The following ZNF431 variants were observed in gnomAD, a reference collection of about 807,000 sequenced individuals.
ZNF431 encodes zinc finger protein 431.
Under a neutral mutation model 57.0 loss-of-function variants are expected in ZNF431, and 34 were observed. That is an observed-to-expected ratio of 0.60 (90% CI 0.45 to 0.79). The LOEUF (loss-of-function observed/expected upper bound fraction) is 0.79, where lower values mean the gene tolerates loss of function less well. ZNF431 is among the 30% of genes least tolerant of loss of function. ZNF431 has a pLI of 0.00. For synonymous variants in ZNF431, 207 were observed against 220.3 expected (o/e 0.94, Z 0.54); for missense variants, 607 against 667.1 (o/e 0.91, Z 0.99).
Position 21,178,148 on chromosome 19 carries a change from G to A in ZNF431, c.320-4475G>A, listed in dbSNP as rs574289421. On this transcript the variant is annotated intron_variant, in intron 4 of 4. Coordinates refer to ENST00000311048, the MANE Select transcript of ZNF431 (RefSeq NM_133473.4). ...TTATTGTTGGTGTATTGAAATGTTT[G>A]TGATTTTGGCACATTGATTTTGTAT... Among the ~76,000 whole-genome samples the A allele has an allele frequency of 1.1e-4, 16 of 152,208 alleles. 1 individual carries two copies. The highest frequency in any genetic ancestry group is 3.4e-3 in the Middle Eastern group (1 of 294).
chr19:21,155,582 A>T (rs1416185651), intron 2 of ZNF431, among the ~76,000 whole-genome samples: 1 of 152,078 alleles, frequency 6.6e-6, no homozygotes. Flanking sequence ...CTTGATGGGG[A>T]TGGCATTGAA....
chr19:21,178,974 A>G (rs562896786), intron 4 of ZNF431, among the ~76,000 whole-genome samples: 10 of 152,244 alleles, frequency 6.6e-5, no homozygotes, highest in African/African-American at 1.7e-4. Flanking sequence ...TGCCTCTGGT[A>G]GAATTCAGCT....
At chr19:21,155,565 T>G (rs575991687) in intron 2 of ZNF431, among the ~76,000 whole-genome samples, 1 of 152,288 alleles carries the variant, frequency 6.6e-6, no homozygotes, top group African/African-American at 2.4e-5. Flanking sequence ...AAGAAAGTCA[T>G]TGGTAGCTTG....
rs1971416829 is a variant in ZNF431 at position 21,187,970 on chromosome 19, G to C, written c.*3936G>C. The C allele has an allele frequency of 6.6e-6, 1 of 151,774 alleles. No individual in the cohort carries two copies. Among genetic ancestry groups the C allele is most frequent in the African/African-American group, 2.4e-5 (1 of 41,284 alleles). 9.4% of individuals were successfully genotyped at this position (151,774 alleles called of 1,614,324 possible). On this transcript the variant is annotated 3_prime_UTR_variant, in exon 5 of 5. Transcript: ENST00000311048. Reference sequence around the variant, plus strand: ...ACTGTAGAGTTTGCTTATCAGAACAGTTAAAAGGCAGCCAGGTGTGGCTCA... The same window carrying C: ...ACTGTAGAGTTTGCTTATCAGAACACTTAAAAGGCAGCCAGGTGTGGCTCA...
At chr19:21,154,826 A>G (rs1343701906) in intron 2 of ZNF431, among the ~76,000 whole-genome samples, 1 of 152,112 alleles carries the variant, frequency 6.6e-6, no homozygotes, top group Non-Finnish European at 1.5e-5. Context: ...TTCTTTTGAG[A>G]AGTGTCTGTT....
At chr19:21,151,757 A>G (rs1338479978) in intron 2 of ZNF431, among the ~76,000 whole-genome samples, 1 of 152,236 alleles carries the variant, frequency 6.6e-6, no homozygotes, top group Non-Finnish European at 1.5e-5. Context: ...AGAAGAATAC[A>G]GAAAGACAAA....
chr19:21,180,630 C>A (rs112782340), intron 4 of ZNF431, among the ~76,000 whole-genome samples: 4 of 152,030 alleles, frequency 2.6e-5, no homozygotes, highest in African/African-American at 7.2e-5. Flanking sequence ...CTAAAAGATA[C>A]AACAATGTAT....
chr19:21,155,826 G>T (rs149459013), intron 2 of ZNF431, among the ~76,000 whole-genome samples: 1,531 of 152,260 alleles, frequency 0.01, 12 homozygotes, highest in Non-Finnish European at 0.017. Flanking sequence ...GCAGAAGGAA[G>T]ATATCCCAGA....
rs377368719 is a variant in ZNF431, at chr19:21,145,455, C to T, written c.96+1812C>T. The stretch of plus-strand genomic sequence containing the variant: ...TCGCGCCACTGCACTCCAGCCTGGG[C>T]GACAGAGCGAGACTCCATCTCAAAA... On this transcript the variant is annotated intron_variant, in intron 2 of 4. Coordinates refer to ENST00000311048, the MANE Select transcript of ZNF431 (RefSeq NM_133473.4). 7.9e-5 allele frequency among the ~76,000 whole-genome samples: 12 copies of T among 152,062 alleles called. No individual in the cohort carries two copies. The South Asian group carries it at 8.3e-4, about 11-fold the overall frequency.
Position 21,193,250 on chromosome 19 carries a change from T to A in ZNF431, c.*9216T>A, listed in dbSNP as rs1971540647. 1.3e-5 allele frequency: 2 copies of A among 152,122 alleles called. No homozygotes were observed. Among genetic ancestry groups the A allele is most frequent in the Non-Finnish European group, 2.9e-5 (2 of 68,014 alleles). The allele number at this position is 152,122 out of a possible 1,614,324, so 9.4% of individuals were successfully genotyped here. ...ACTCATTATATAAAATCTGTATCGC[T>A]GCACGAGGTGGCTCACGCCTGTAAT... On this transcript the variant is annotated 3_prime_UTR_variant, in exon 5 of 5. Transcript: ENST00000311048.
intron 2 of ZNF431, among the ~76,000 whole-genome samples, chr19:21,155,548 T>G (rs1761499419): frequency 6.6e-6 from 1 of 152,196 alleles, no homozygotes; most frequent in African/African-American, 2.4e-5. Flanking sequence ...TTTTTTCCAA[T>G]TCTGTGAAGA....
chr19:21,181,531 C>T lies in ZNF431; in HGVS notation c.320-1092C>T, dbSNP rs185794230. ...CCATTCTCTTCTTGTCTGTGACTTT[C>T]GAAATTGTGCTTATATATGTGTTTG... is the stretch of plus-strand genomic sequence containing the variant. On this transcript the variant is annotated intron_variant, in intron 4 of 4. Coordinates refer to ENST00000311048, the MANE Select transcript of ZNF431 (RefSeq NM_133473.4). Among the ~76,000 whole-genome samples, 13 of 151,872 alleles carry T rather than the reference C, an allele frequency of 8.6e-5. No individual in the cohort carries two copies. In the East Asian group the frequency reaches 9.7e-4, roughly 11 times the overall value.
chr19:21,166,370 C>G lies in ZNF431; in HGVS notation c.132C>G (p.Phe44Leu). The change falls in exon 3 of 5, where the codon TTC becomes TTG. Residue 44 changes from phenylalanine to leucine, a missense_variant. Coordinates refer to ENST00000311048, the MANE Select transcript of ZNF431 (RefSeq NM_133473.4). ...CATTTAGGGATGTGGCCATAGAATT[C>G]TCTCTGGAGGAGTGGGAATGCCTGA... is the stretch of plus-strand genomic sequence containing the variant. The part of the protein sequence containing the change: ...TLTFRDVAIE[F>L]SLEEWECLNP... 1 of 1,613,206 alleles carries G rather than the reference C, an allele frequency of 6.2e-7. No individual in the cohort carries two copies. Among genetic ancestry groups the G allele is most frequent in the Non-Finnish European group, 8.5e-7 (1 of 1,179,762 alleles).
intron 2 of ZNF431, among the ~76,000 whole-genome samples, chr19:21,146,428 G>A (rs111846883): frequency 9.6e-5 from 13 of 134,880 alleles, no homozygotes; most frequent in East Asian, 2.2e-4. Flanking sequence ...AAAAAAAAAA[G>A]AAGAAGAAAG....
intron 4 of ZNF431, 123 bp downstream of exon 4, chr19:21,167,789 A>C (rs181714600): frequency 1.9e-6 from 1 of 518,276 alleles, no homozygotes; most frequent in Non-Finnish European, 3.1e-6. Flanking sequence ...AGTTTCTGGG[A>C]GGCCTGAATA....
chr19:21,166,416 T>A lies in ZNF431; in HGVS notation c.178T>A (p.Tyr60Asn). 1 of 1,610,992 alleles carries A rather than the reference T, an allele frequency of 6.2e-7. No individual in the cohort carries two copies. Among genetic ancestry groups the A allele is most frequent in the Non-Finnish European group, 8.5e-7 (1 of 1,179,408 alleles). ...ECLNPAQQNL[Y>N]MNVMLENYKN... The stretch of plus-strand genomic sequence containing the variant: ...CCTGAACCCTGCTCAGCAGAATTTA[T>A]ATATGAATGTGATGTTAGAAAACTA... Residue 60 changes from tyrosine to asparagine, a missense_variant, in exon 3 of 5, where the codon TAT becomes AAT. Tyr to Asn is a moderately radical substitution (Grantham distance 143). Coordinates refer to ENST00000311048, the MANE Select transcript of ZNF431 (RefSeq NM_133473.4).
intron 4 of ZNF431, among the ~76,000 whole-genome samples, chr19:21,179,595 C>G (rs1971157368): frequency 6.8e-6 from 1 of 147,312 alleles, no homozygotes; most frequent in South Asian, 2.1e-4. Flanking sequence ...GAGTCTCGCT[C>G]TGACCCCAGG....
chr19:21,146,843 A>C (rs986330886), intron 2 of ZNF431, among the ~76,000 whole-genome samples: 7 of 152,292 alleles, frequency 4.6e-5, no homozygotes, highest in Admixed American at 3.9e-4. Flanking sequence ...GCCCCTATTC[A>C]AAATAGATGT....
Position 21,185,314 on chromosome 19 carries a change from A to G in ZNF431, c.*1280A>G, listed in dbSNP as rs549169155. 39 of 152,310 alleles carry G rather than the reference A, an allele frequency of 2.6e-4. No homozygotes were observed. Among genetic ancestry groups the G allele is most frequent in the African/African-American group, 8.4e-4 (35 of 41,578 alleles). 9.4% of individuals were successfully genotyped at this position (152,310 alleles called of 1,614,324 possible). A position where few individuals can be genotyped will look rare whatever the true frequency, so the allele number is the denominator to read the frequency against. On this transcript the variant is annotated 3_prime_UTR_variant, in exon 5 of 5. Transcript: ENST00000311048. ...CATTCAAAGTATACTTTATTTCTTG[A>G]AAAATATTACAGATTTTTTGAAAAT...
Sources: gnomAD v4.1 joint callset for allele counts (sites outside exome capture counted in the v4.1 genomes callset) on GRCh38, gnomAD v4.1.1 for gene constraint, MANE v1.5 for transcripts, NCBI Gene and HGNC (gene_info 2026-07-23, HGNC 2026-07-21) for gene names.